The following UBE2F variants were observed in gnomAD, a reference collection of about 807,000 sequenced individuals.
The protein encoded by UBE2F is NEDD8-conjugating enzyme UBE2F.
In UBE2F, 5 loss-of-function variants were observed where a neutral mutation model predicts 29.6. That is an observed-to-expected ratio of 0.17 (90% CI 0.09 to 0.36). UBE2F has a LOEUF of 0.36. Ranked by LOEUF, UBE2F falls within the 10% of genes least tolerant of loss-of-function variation. The pLI, the probability that UBE2F is intolerant of heterozygous loss-of-function variation, is 1.00. For missense variants in UBE2F, 141 were observed against 228.5 expected (o/e 0.62, Z 2.47); for synonymous variants, 66 against 81.8 (o/e 0.81, Z 1.04).
intron 6 of UBE2F, among the ~76,000 whole-genome samples, chr2:238,029,278 T>TA (rs11448486): frequency 0.81 from 122,002 of 150,012 alleles, 49,724 homozygotes; most frequent in East Asian, 0.97. Context: ...TTTTGAACTT[T>TA]AAAAAAATAA....
intron 5 of UBE2F, among the ~76,000 whole-genome samples, chr2:238,022,843 G>T (rs78679624): frequency 0.029 from 4,350 of 152,248 alleles, 72 homozygotes; most frequent in Middle Eastern, 0.058. Context: ...CACTGGGGTT[G>T]GGGGGAAGGG....
intron 8 of UBE2F, among the ~76,000 whole-genome samples, chr2:238,033,211 A>G (rs2064625954): frequency 6.6e-6 from 1 of 152,224 alleles, no homozygotes; most frequent in Middle Eastern, 3.2e-3. Flanking sequence ...GAGCTGCTGA[A>G]GTTTGCTGTT....
chr2:238,014,397 G>C (rs549952149), intron 4 of UBE2F, among the ~76,000 whole-genome samples: 1 of 152,232 alleles, frequency 6.6e-6, no homozygotes, highest in Admixed American at 6.5e-5. Context: ...TGAGTTAAGA[G>C]AAGATATAAT....
At chr2:238,037,135 C>T (rs2064730172) in intron 9 of UBE2F, among the ~76,000 whole-genome samples, 1 of 152,102 alleles carries the variant, frequency 6.6e-6, no homozygotes, top group Admixed American at 6.5e-5. Context: ...TAATGCAGTG[C>T]ATAAATGATC....
At chr2:238,026,519 C>T (rs1414379016) in intron 6 of UBE2F, among the ~76,000 whole-genome samples, 2 of 152,006 alleles carry the variant, frequency 1.3e-5, no homozygotes, top group African/African-American at 4.8e-5. Flanking sequence ...CTGCAAGCTC[C>T]GCCTCCCAGG....
intron 2 of UBE2F, among the ~76,000 whole-genome samples, chr2:237,984,296 A>T (rs1001643785): frequency 6.6e-6 from 1 of 152,040 alleles, no homozygotes; most frequent in Admixed American, 6.5e-5. Flanking sequence ...CCTTTCTAAG[A>T]TTGTCCTCTT....
intron 2 of UBE2F, among the ~76,000 whole-genome samples, chr2:237,987,400 A>G (rs761898083): frequency 2.6e-5 from 4 of 152,168 alleles, no homozygotes; most frequent in African/African-American, 7.2e-5. Flanking sequence ...GACTTCTAAC[A>G]CTGTGTTGAA....
At chr2:238,016,396 G>T (rs1295071966) in intron 4 of UBE2F, 170 bp from the exon 5 acceptor site, 4 of 593,640 alleles carry the variant, frequency 6.7e-6, no homozygotes, top group Non-Finnish European at 8.8e-6. Flanking sequence ...GCAGGGGCAG[G>T]ACTTCCACCA....
chr2:237,973,721 T>G, intron 2 of UBE2F: 1 of 1,278,958 alleles, frequency 7.8e-7, no homozygotes, highest in Non-Finnish European at 1.0e-6. Context: ...TGTTCTAGAG[T>G]TTTCGTGACT....
In UBE2F at chr2:237,967,190, C is replaced by G; in HGVS notation, c.-17+58C>G. 9.2e-7 allele frequency: 1 copy of G among 1,084,274 alleles called. No individual in the cohort carries two copies. The highest frequency in any genetic ancestry group is 1.1e-6 in the Non-Finnish European group (1 of 891,202). 67.2% of individuals were successfully genotyped at this position (1,084,274 alleles called of 1,614,324 possible). A position where few individuals can be genotyped will look rare whatever the true frequency, so the allele number is the denominator to read the frequency against. On this transcript the variant is annotated intron_variant, in intron 1 of 9. Coordinates refer to ENST00000272930, the MANE Select transcript of UBE2F (RefSeq NM_080678.3). The surrounding 1 kb of genome is among the most constrained non-coding windows in gnomAD (Gnocchi z 6.3). The stretch of plus-strand genomic sequence containing the variant: ...CGAGGTGCGGCCGCCGGTGCACGGG[C>G]TGGCCTGCGGGCCGGGCGGAGGGCG...
chr2:238,029,981 C>G (rs1021858844), intron 6 of UBE2F, among the ~76,000 whole-genome samples: 2 of 150,760 alleles, frequency 1.3e-5, no homozygotes, highest in Non-Finnish European at 2.9e-5. Context: ...GGGCCTCACA[C>G]TATTCCCAGG....
At chr2:238,012,180 G>C (rs886552852) in intron 4 of UBE2F, among the ~76,000 whole-genome samples, 1 of 151,776 alleles carries the variant, frequency 6.6e-6, no homozygotes, top group South Asian at 2.1e-4. Context: ...CACCTTGCCT[G>C]TCGTCATATA....
chr2:238,016,726 C>A, intron 5 of UBE2F, 93 bp downstream of exon 5: 3 of 1,028,592 alleles, frequency 2.9e-6, no homozygotes, highest in African/African-American at 1.6e-5. Flanking sequence ...TAGCACTCCC[C>A]TCTGCGTGTG....
In UBE2F at chr2:237,982,138, G is replaced by A. The variant is rs1356750093; in HGVS notation, c.119-5825G>A. Reference sequence around the variant, plus strand: ...TTGGTCCCTGACAAAGCTGTCAAATGTCAAACCAGCAAAACACTCCCCGAG... The same window carrying A: ...TTGGTCCCTGACAAAGCTGTCAAATATCAAACCAGCAAAACACTCCCCGAG... On this transcript the variant is annotated intron_variant, in intron 2 of 9. Coordinates refer to ENST00000272930, the MANE Select transcript of UBE2F (RefSeq NM_080678.3). This position sits in a 1 kb window ranked among gnomAD's most constrained non-coding sequence, Gnocchi z 4.1. 6.6e-6 allele frequency among the ~76,000 whole-genome samples: 1 copy of A among 152,190 alleles called. No individual in the cohort carries two copies. Among genetic ancestry groups the A allele is most frequent in the Non-Finnish European group, 1.5e-5 (1 of 68,028 alleles).
At position 237,982,074 on chromosome 2, in the gene UBE2F, AT is replaced by A. The variant is rs2063390552; in HGVS notation, c.119-5888del. On this transcript the variant is annotated intron_variant, in intron 2 of 9. Transcript: ENST00000272930. This position sits in a 1 kb window ranked among gnomAD's most constrained non-coding sequence, Gnocchi z 4.1. The stretch of plus-strand genomic sequence containing the variant: ...TCCAAAATGTACTACAATTTATTGA[AT>A]CATTTACTTAAAATGGGTCTATTTG... Among the ~76,000 whole-genome samples the A allele has an allele frequency of 6.6e-6, 1 of 152,180 alleles. No individual in the cohort carries two copies.
rs1179695575 is a variant in UBE2F at position 238,040,767 on chromosome 2, C to T, written c.508-521C>T. ...CATGAGGATGGAGCTCTGTGGCACA[C>T]CCAGCTCTCTTCTGGGCAGGGTGGT... On this transcript the variant is annotated intron_variant, in intron 9 of 9. Transcript: ENST00000272930. This position sits in a 1 kb window ranked among gnomAD's most constrained non-coding sequence, Gnocchi z 4.4. Among the ~76,000 whole-genome samples the T allele has an allele frequency of 6.6e-6, 1 of 152,120 alleles. No homozygotes were observed. The highest frequency in any genetic ancestry group is 1.5e-5 in the Non-Finnish European group (1 of 68,006).
intron 1 of UBE2F, among the ~76,000 whole-genome samples, chr2:237,968,058 T>A (rs1169353260): frequency 6.6e-6 from 1 of 152,036 alleles, no homozygotes; most frequent in Admixed American, 6.6e-5. Flanking sequence ...AGGAGGGCAT[T>A]CTAGACCTGG....
chr2:238,042,461 G>GTGGC lies in UBE2F; in HGVS notation c.*1124_*1127dup, dbSNP rs1164516504. 6.6e-6 allele frequency: 1 copy of GTGGC among 152,292 alleles called. No homozygotes were observed. Among genetic ancestry groups the GTGGC allele is most frequent in the Non-Finnish European group, 1.5e-5 (1 of 68,072 alleles). 9.4% of individuals were successfully genotyped at this position (152,292 alleles called of 1,614,324 possible). On this transcript the variant is annotated 3_prime_UTR_variant, in exon 10 of 10. Coordinates refer to ENST00000272930, the MANE Select transcript of UBE2F (RefSeq NM_080678.3). The stretch of plus-strand genomic sequence containing the variant: ...GGCCTTGGAGGACCAGGAGTCAACA[G>GTGGC]TGGCATATGCCATCCTCGGCCAGGT...
intron 4 of UBE2F, chr2:238,003,385 GCTT>G: frequency 2.1e-6 from 1 of 470,952 alleles, no homozygotes; most frequent in South Asian, 1.5e-5. Context: ...CTGGTGTGAT[GCTT>G]CTTTGCTTAC....
Sources: allele counts gnomAD v4.1 joint callset (sites outside exome capture counted in the v4.1 genomes callset), GRCh38; gene constraint gnomAD v4.1.1; non-coding constraint Gnocchi (gnomAD v3.1); transcripts MANE v1.5; gene names NCBI Gene and HGNC (gene_info 2026-07-23, HGNC 2026-07-21).